The following TEAD1 variants were observed in gnomAD, a reference collection of about 807,000 sequenced individuals.
The protein encoded by TEAD1 is transcriptional enhancer factor TEF-1.
In TEAD1, 9 loss-of-function variants were observed where a neutral mutation model predicts 54.9. The ratio of observed to expected loss-of-function variants is 0.16; its 90% CI spans 0.10 to 0.29. The LOEUF (loss-of-function observed/expected upper bound fraction) is 0.29, where lower values mean the gene tolerates loss of function less well. TEAD1 is among the 10% of genes least tolerant of loss of function. The pLI is 1.00. For synonymous variants in TEAD1, 200 were observed against 187.8 expected (o/e 1.07, Z -0.53); for missense variants, 387 against 535.9 (o/e 0.72, Z 2.74).
intron 2 of TEAD1, among the ~76,000 whole-genome samples, chr11:12,762,805 G>A (rs1040106174): frequency 2.0e-5 from 3 of 152,120 alleles, no homozygotes; most frequent in African/African-American, 7.2e-5. Flanking sequence ...GATACAGTTG[G>A]GAGAGAGCAG....
At chr11:12,753,290 G>A (rs770047157) in intron 2 of TEAD1, among the ~76,000 whole-genome samples, 22 of 152,124 alleles carry the variant, frequency 1.4e-4, no homozygotes, top group Non-Finnish European at 2.9e-4. Context: ...CTGGGATTTG[G>A]AATTGCTGAA....
At chr11:12,711,177 G>T (rs1327913055) in intron 2 of TEAD1, among the ~76,000 whole-genome samples, 2 of 152,112 alleles carry the variant, frequency 1.3e-5, no homozygotes, top group African/African-American at 4.8e-5. Flanking sequence ...CGAGAGTCAG[G>T]GTAGTCACTG....
At chr11:12,936,619 C>T (rs938000106) in intron 12 of TEAD1, among the ~76,000 whole-genome samples, 3 of 152,298 alleles carry the variant, frequency 2.0e-5, no homozygotes, top group South Asian at 2.1e-4. Flanking sequence ...CTGATGTAAT[C>T]GTCCCACAAG....
intron 3 of TEAD1, among the ~76,000 whole-genome samples, chr11:12,821,961 CTTTTTTTTT>C (rs10700151): frequency 4.4e-5 from 3 of 68,084 alleles, no homozygotes; most frequent in Non-Finnish European, 7.5e-5. Flanking sequence ...TTCTCTTTTC[CTTTTTTTTT>C]TTTTTTTTTT....
At chr11:12,791,701 G>A (rs1298552792) in intron 3 of TEAD1, among the ~76,000 whole-genome samples, 1 of 152,130 alleles carries the variant, frequency 6.6e-6, no homozygotes, top group African/African-American at 2.4e-5. Flanking sequence ...ATTTAAGTCA[G>A]TTCTCTAATA....
chr11:12,786,587 T>C (rs1945681607), intron 3 of TEAD1, among the ~76,000 whole-genome samples: 1 of 152,228 alleles, frequency 6.6e-6, no homozygotes, highest in Non-Finnish European at 1.5e-5. Flanking sequence ...TAGTAAGGAC[T>C]GGCCTGATTT....
intron 3 of TEAD1, among the ~76,000 whole-genome samples, chr11:12,773,843 T>A (rs963516353): frequency 6.6e-6 from 1 of 152,218 alleles, no homozygotes; most frequent in Admixed American, 6.5e-5. Context: ...GCTTTTGGTG[T>A]TGAGTCTGAG....
chr11:12,892,142 G>A (rs1314776876), intron 9 of TEAD1, among the ~76,000 whole-genome samples: 2 of 152,200 alleles, frequency 1.3e-5, no homozygotes, highest in Non-Finnish European at 2.9e-5. Flanking sequence ...GCCCAAGGAT[G>A]ATTTAATTTC....
chr11:12,830,879 C>T (rs904757773), intron 3 of TEAD1, among the ~76,000 whole-genome samples: 3 of 151,766 alleles, frequency 2.0e-5, no homozygotes, highest in Non-Finnish European at 4.4e-5. Context: ...AGGGAGACAC[C>T]CATCTCTGCC....
intron 2 of TEAD1, among the ~76,000 whole-genome samples, chr11:12,700,733 T>C (rs1281204982): frequency 5.3e-5 from 8 of 152,240 alleles, no homozygotes; most frequent in African/African-American, 1.9e-4. Flanking sequence ...TTGCTTTTGC[T>C]TCCTAATTTA....
chr11:12,677,963 CTG>C (rs1343495886), intron 2 of TEAD1, among the ~76,000 whole-genome samples: 2 of 152,156 alleles, frequency 1.3e-5, no homozygotes, highest in African/African-American at 2.4e-5. Context: ...GTGCAAATAA[CTG>C]TATGTATGAT....
intron 10 of TEAD1, among the ~76,000 whole-genome samples, chr11:12,911,514 C>T (rs1251026342): frequency 6.6e-6 from 1 of 152,158 alleles, no homozygotes; most frequent in African/African-American, 2.4e-5. Flanking sequence ...TTCCATTTCT[C>T]CCTACTTCTG....
At chr11:12,737,133 G>T (rs773728415) in intron 2 of TEAD1, among the ~76,000 whole-genome samples, 1 of 152,106 alleles carries the variant, frequency 6.6e-6, no homozygotes, top group Non-Finnish European at 1.5e-5. Flanking sequence ...CAACTCTCTT[G>T]TTTTCAGATG....
chr11:12,846,123 G>A (rs1472741291), intron 3 of TEAD1, among the ~76,000 whole-genome samples: 3 of 152,242 alleles, frequency 2.0e-5, no homozygotes, highest in Non-Finnish European at 4.4e-5. Context: ...GTGCAGGCAT[G>A]CTGGGCGAAG....
chr11:12,841,877 G>A (rs1486295081), intron 3 of TEAD1, among the ~76,000 whole-genome samples: 2 of 152,116 alleles, frequency 1.3e-5, no homozygotes, highest in African/African-American at 2.4e-5. Context: ...GACTCCTAGC[G>A]TCTGTACTTT....
Position 12,883,082 on chromosome 11 carries a change from T to C in TEAD1, c.656T>C (p.Val219Ala). Reference sequence around the variant, plus strand: ...ATTGGCACAACCAAGCTTCGCCTGGTGGAATTTTCAGCTTTTCTCGAGCAG... The same window carrying C: ...ATTGGCACAACCAAGCTTCGCCTGGCGGAATTTTCAGCTTTTCTCGAGCAG... The change falls in exon 9 of 13, where the codon GTG becomes GCG. Residue 219 changes from valine (V) to alanine (A), a missense_variant. Around this residue, in one of 5 missense-constraint regions of TEAD1, gnomAD observed 180 missense variants for 180.6 expected, o/e 1.00. Transcript: ENST00000527636. 1 of 1,614,134 alleles carries C rather than the reference T, an allele frequency of 6.2e-7. No individual in the cohort carries two copies. The highest frequency in any genetic ancestry group is 8.5e-7 in the Non-Finnish European group (1 of 1,180,048).
At chr11:12,862,647 A>G (rs1349523179) in intron 4 of TEAD1, among the ~76,000 whole-genome samples, 4 of 152,200 alleles carry the variant, frequency 2.6e-5, no homozygotes, top group African/African-American at 7.2e-5. Context: ...TGCAAGTGCA[A>G]ATGCACTTGC....
At chr11:12,907,407 C>G (rs1948539770) in intron 10 of TEAD1, among the ~76,000 whole-genome samples, 1 of 152,150 alleles carries the variant, frequency 6.6e-6, no homozygotes, top group African/African-American at 2.4e-5. Flanking sequence ...TAATGGGATT[C>G]TTTTTACTGA....
intron 10 of TEAD1, among the ~76,000 whole-genome samples, chr11:12,913,998 T>C (rs1948664406): frequency 6.6e-6 from 1 of 152,234 alleles, no homozygotes. Context: ...ATTCATTACT[T>C]GCCTCTATTG....
Sources: gnomAD v4.1 joint callset for allele counts (sites outside exome capture counted in the v4.1 genomes callset) on GRCh38, gnomAD v4.1.1 for gene constraint, gnomAD v4.1.1 regional missense constraint, MANE v1.5 for transcripts, NCBI Gene and HGNC (gene_info 2026-07-23, HGNC 2026-07-21) for gene names.